RASGRF2: variants seen among roughly 807,000 people sequenced by gnomAD.
The protein encoded by RASGRF2 is ras-specific guanine nucleotide-releasing factor 2.
A neutral mutation model predicts 151.0 loss-of-function variants in RASGRF2; 76 were observed. That is an observed-to-expected ratio of 0.50 (90% CI 0.42 to 0.61). The LOEUF (loss-of-function observed/expected upper bound fraction) is 0.61. Among genes scored for constraint, RASGRF2 ranks in the 20% least tolerant of loss-of-function variants. The pLI, the probability that RASGRF2 is intolerant of heterozygous loss-of-function variation, is 0.00. For synonymous variants in RASGRF2, 504 were observed against 566.5 expected, an observed-to-expected ratio of 0.89 and a Z score of 1.57; for missense variants, 1,148 against 1,564.6, an observed-to-expected ratio of 0.73 and a Z score of 4.49.
chr5:81,160,957 G>A (rs1282221989), intron 17 of RASGRF2, among the ~76,000 whole-genome samples: 2 of 152,180 alleles, frequency 1.3e-5, no homozygotes, highest in African/African-American at 2.4e-5. Flanking sequence ...AAATATCAGG[G>A]ACTGTGGTTT....
intron 18 of RASGRF2, among the ~76,000 whole-genome samples, chr5:81,187,945 AT>A (rs2112688766): frequency 6.6e-6 from 1 of 152,350 alleles, no homozygotes; most frequent in East Asian, 1.9e-4. Flanking sequence ...GTTCTTGTTC[AT>A]TGTTCCAAAT....
intron 1 of RASGRF2, among the ~76,000 whole-genome samples, chr5:80,968,264 T>C (rs1030128770): frequency 2.0e-5 from 3 of 152,212 alleles, no homozygotes; most frequent in African/African-American, 4.8e-5. Context: ...ACACACAAAA[T>C]AGAATATTTC....
At chr5:81,084,313 G>T (rs961082275) in intron 7 of RASGRF2, among the ~76,000 whole-genome samples, 1 of 152,110 alleles carries the variant, frequency 6.6e-6, no homozygotes, top group African/African-American at 2.4e-5. Flanking sequence ...CTAATTAGAG[G>T]CAAACTTTTA....
intron 15 of RASGRF2, among the ~76,000 whole-genome samples, chr5:81,117,759 T>C (rs1234591751): frequency 1.3e-5 from 2 of 152,174 alleles, no homozygotes; most frequent in African/African-American, 2.4e-5. Flanking sequence ...TGGGTGAGAC[T>C]CAAGACATGA....
chr5:81,072,577 A>G (rs1751809739), intron 4 of RASGRF2, among the ~76,000 whole-genome samples: 1 of 152,254 alleles, frequency 6.6e-6, no homozygotes, highest in African/African-American at 2.4e-5. Context: ...AACAAATCCT[A>G]GTTAATTATG....
rs1756012570 is a variant in RASGRF2 at position 81,226,892 on chromosome 5, G to C, written c.*1122G>C. 1 of 152,040 alleles carries C rather than the reference G, an allele frequency of 6.6e-6. No individual in the cohort carries two copies. The highest frequency in any genetic ancestry group is 6.5e-5 in the Admixed American group (1 of 15,268). 9.4% of individuals were successfully genotyped at this position (152,040 alleles called of 1,614,324 possible). ...AATATTATAAGTGCATGGGAAATGG[G>C]CCCAACCACCGAACAGCTCTTACAT... On this transcript the variant is annotated 3_prime_UTR_variant, in exon 27 of 27. Transcript: ENST00000265080.
chr5:81,151,627 T>C (rs1754137932), intron 17 of RASGRF2, among the ~76,000 whole-genome samples: 1 of 152,190 alleles, frequency 6.6e-6, no homozygotes, highest in African/African-American at 2.4e-5. Context: ...TACTTCCCTG[T>C]TGCTTTATTT....
At chr5:81,189,206 G>A (rs1755101497) in intron 18 of RASGRF2, among the ~76,000 whole-genome samples, 1 of 152,122 alleles carries the variant, frequency 6.6e-6, no homozygotes, top group African/African-American at 2.4e-5. Context: ...GCGGTGAAGG[G>A]CCAGGAAACC....
At chr5:80,966,083 TTGTG>T (rs70994407) in intron 1 of RASGRF2, among the ~76,000 whole-genome samples, 27,414 of 149,642 alleles carry the variant, frequency 0.18, 2,748 homozygotes, top group South Asian at 0.27. Flanking sequence ...GGATATATGT[TTGTG>T]TGTGTGTGTG....
chr5:81,143,067 G>A (rs543136908), intron 17 of RASGRF2, among the ~76,000 whole-genome samples: 2 of 152,300 alleles, frequency 1.3e-5, no homozygotes, highest in Non-Finnish European at 1.5e-5. Flanking sequence ...AAAATCTTAG[G>A]CTGGGAAAGA....
intron 18 of RASGRF2, among the ~76,000 whole-genome samples, chr5:81,195,079 G>A (rs958659512): frequency 6.6e-6 from 1 of 152,150 alleles, no homozygotes; most frequent in African/African-American, 2.4e-5. Flanking sequence ...TAAGTACCTC[G>A]GGGTCTCTTG....
At chr5:81,127,939 A>AG (rs1374744868) in intron 17 of RASGRF2, among the ~76,000 whole-genome samples, 137 of 151,388 alleles carry the variant, frequency 9.0e-4, no homozygotes, top group African/African-American at 2.8e-3. Flanking sequence ...AAAAAAAAAA[A>AG]AAAAAAAAGA....
intron 15 of RASGRF2, among the ~76,000 whole-genome samples, chr5:81,123,197 G>A (rs536488875): frequency 1.3e-4 from 20 of 152,142 alleles, no homozygotes; most frequent in Non-Finnish European, 2.5e-4. Context: ...AGAGATCCCT[G>A]GTGAGGGCCA....
At chr5:81,134,045 A>G (rs903284585) in intron 17 of RASGRF2, among the ~76,000 whole-genome samples, 2 of 150,400 alleles carry the variant, frequency 1.3e-5, no homozygotes, top group Admixed American at 1.3e-4. Context: ...CCCAGGTGAT[A>G]CTAATGTGAA....
At position 80,973,406 on chromosome 5, in the gene RASGRF2, C is replaced by T. The variant is rs200929052; in HGVS notation, c.288+12380C>T. ...GGGTGCTGGGTTGTTGCTCTTCCTG[C>T]GCCTCCACGTATTCTGGGTATCTCA... On this transcript the variant is annotated intron_variant, in intron 1 of 26. Transcript: ENST00000265080. 1.2e-4 allele frequency among the ~76,000 whole-genome samples: 19 copies of T among 152,310 alleles called. No homozygotes were observed. The East Asian group carries it at 3.5e-3, about 28-fold the overall frequency.
chr5:81,171,033 AT>A (rs1754645689), intron 17 of RASGRF2, among the ~76,000 whole-genome samples: 1 of 152,166 alleles, frequency 6.6e-6, no homozygotes, highest in Non-Finnish European at 1.5e-5. Context: ...TGTATAAATT[AT>A]TATATATTAA....
chr5:81,034,484 A>G (rs1030653431), intron 1 of RASGRF2, among the ~76,000 whole-genome samples: 10 of 152,058 alleles, frequency 6.6e-5, no homozygotes, highest in African/African-American at 2.4e-4. Context: ...ATGCTGCTAT[A>G]AAGACACATG....
intron 25 of RASGRF2, 131 bp downstream of exon 25, chr5:81,217,604 C>T (rs1319400791): frequency 4.1e-5 from 25 of 609,182 alleles, no homozygotes; most frequent in Admixed American, 1.1e-4. Flanking sequence ...TTTTGAGAAA[C>T]AATCTCAGTC....
At chr5:80,986,913 A>G (rs1221845203) in intron 1 of RASGRF2, among the ~76,000 whole-genome samples, 3 of 152,076 alleles carry the variant, frequency 2.0e-5, no homozygotes, top group Non-Finnish European at 4.4e-5. Flanking sequence ...CTCTTTCCAG[A>G]ACCTTGAAGC....
Sources: allele counts gnomAD v4.1 joint callset (sites outside exome capture counted in the v4.1 genomes callset), GRCh38; gene constraint gnomAD v4.1.1; transcripts MANE v1.5; gene names NCBI Gene and HGNC (gene_info 2026-07-23, HGNC 2026-07-21).